Variants in EWSR1 observed in about 807,000 individuals in gnomAD.
EWSR1 encodes RNA-binding protein EWS.
A neutral mutation model predicts 92.1 loss-of-function variants in EWSR1; 14 were observed. The observed-to-expected ratio is 0.15, with a 90% confidence interval of 0.10 to 0.24. The LOEUF is 0.24. Among genes scored for constraint, EWSR1 ranks in the 10% least tolerant of loss-of-function variants. EWSR1 has a pLI of 1.00. For missense variants in EWSR1, 637 were observed against 870.9 expected, an observed-to-expected ratio of 0.73 and a Z score of 3.38; for synonymous variants, 303 against 292.9, an observed-to-expected ratio of 1.03 and a Z score of -0.35.
chr22:29,292,439 C>G (rs759517917), intron 10 of EWSR1, 49 bp from the exon 11 acceptor site: 2 of 1,260,478 alleles, frequency 1.6e-6, no homozygotes, highest in South Asian at 2.4e-5. Context: ...AGTTAAGAAA[C>G]CCCTATAGAT....
chr22:29,295,738 A>G (rs1440808866), intron 11 of EWSR1: 1 of 225,932 alleles, frequency 4.4e-6, no homozygotes, highest in African/African-American at 2.2e-5. Context: ...AGTCAACCAC[A>G]TCTGATATTC....
chr22:29,296,181 T>C, intron 11 of EWSR1, 58 bp from the exon 12 acceptor site: 1 of 1,555,220 alleles, frequency 6.4e-7, no homozygotes, highest in South Asian at 1.2e-5. Context: ...TTGCCTGGAC[T>C]TTTTTCTCCC....
chr22:29,274,501 G>T lies in EWSR1; in HGVS notation c.226+637G>T, dbSNP rs572951006. ...AGGTTTTTTTATTTAATATTACTTT[G>T]TTTCAAGCCTTAATAATAGTTATTT... On this transcript the variant is annotated intron_variant, in intron 4 of 16. Transcript: ENST00000397938. 9.9e-5 allele frequency: 52 copies of T among 525,910 alleles called. 1 individual carries two copies. The South Asian group carries it at 1.4e-3, about 14-fold the overall frequency. 32.6% of individuals were successfully genotyped at this position (525,910 alleles called of 1,614,324 possible). A position where few individuals can be genotyped will look rare whatever the true frequency, so the allele number is the denominator to read the frequency against.
At chr22:29,281,885 C>T (rs1453809826) in intron 5 of EWSR1, among the ~76,000 whole-genome samples, 1 of 152,172 alleles carries the variant, frequency 6.6e-6, no homozygotes, top group African/African-American at 2.4e-5. Context: ...CTCGCCTGGC[C>T]TTGACCTGGT....
chr22:29,300,001 G>T, intron 16 of EWSR1, 121 bp from the exon 17 acceptor site: 1 of 918,180 alleles, frequency 1.1e-6, no homozygotes, highest in Non-Finnish European at 1.4e-6. Flanking sequence ...GCTCTGGAAG[G>T]GCTTCCTCAC....
intron 8 of EWSR1, chr22:29,290,018 A>T (rs1268226432): frequency 4.3e-6 from 1 of 234,750 alleles, no homozygotes; most frequent in South Asian, 1.8e-4. Flanking sequence ...ATCACCTAGA[A>T]TTCCTAGTAT....
At chr22:29,273,893 G>A (rs371252895) in intron 4 of EWSR1, 29 bp downstream of exon 4, 77 of 1,612,700 alleles carry the variant, frequency 4.8e-5, no homozygotes, top group Non-Finnish European at 5.8e-5. Context: ...AGATTTTTGG[G>A]TCGTTCTGGC....
intron 3 of EWSR1, 95 bp from the exon 4 acceptor site, chr22:29,273,641 AGGAAT>A (rs1869049938): frequency 3.0e-6 from 4 of 1,338,332 alleles, no homozygotes; most frequent in Non-Finnish European, 4.1e-6. Flanking sequence ...TCTTCTAGAA[AGGAAT>A]GTTTTTGATT....
Position 29,282,567 on chromosome 22 carries a change from CT to C in EWSR1, c.581+15del. 1 of 1,495,916 alleles carries C rather than the reference CT, an allele frequency of 6.7e-7. No homozygotes were observed. The highest frequency in any genetic ancestry group is 2.7e-5 in the Admixed American group (1 of 37,270). The allele number at this position is 1,495,916 out of a possible 1,614,324, so 92.7% of individuals were successfully genotyped here. On this transcript the variant is annotated intron_variant, in intron 6 of 16. Transcript: ENST00000397938. ...CCTACCCTCCTACCAGGTCAGTCTA[CT>C]TTTTGTGGCAAAACAAAAACAGTGA...
At chr22:29,293,832 T>C (rs963029239) in intron 11 of EWSR1, among the ~76,000 whole-genome samples, 1 of 151,434 alleles carries the variant, frequency 6.6e-6, no homozygotes, top group African/African-American at 2.4e-5. Flanking sequence ...ACTCCCAAAG[T>C]TTTGTGATTG....
At position 29,299,862 on chromosome 22, in the gene EWSR1, G is replaced by A; in HGVS notation, c.1931+11G>A. The A allele has an allele frequency of 6.5e-7, 1 of 1,535,902 alleles. No individual in the cohort carries two copies. The highest frequency in any genetic ancestry group is 2.1e-5 in the Admixed American group (1 of 48,422). Reference sequence around the variant, plus strand: ...TGGAAAAATGGATAAGTAAGTGCTGGTGAAAAGCAGCTGTGGGCCGCCAGG... The same window carrying A: ...TGGAAAAATGGATAAGTAAGTGCTGATGAAAAGCAGCTGTGGGCCGCCAGG... On this transcript the variant is annotated intron_variant, in intron 16 of 16. Coordinates refer to ENST00000397938, the MANE Select transcript of EWSR1 (RefSeq NM_005243.4).
chr22:29,297,576 C>CCCAGCTACTTGGGAGGATTGCTTGA (rs2060965613), intron 12 of EWSR1, among the ~76,000 whole-genome samples: 1 of 152,098 alleles, frequency 6.6e-6, no homozygotes. Flanking sequence ...TGCCTGTAGT[C>CCCAGCTACTTGGGAGGATTGCTTGA]CCAGCTACTT....
chr22:29,292,022 G>T, intron 9 of EWSR1, 115 bp from the exon 10 acceptor site: 1 of 924,956 alleles, frequency 1.1e-6, no homozygotes, highest in South Asian at 1.3e-5. Flanking sequence ...GTCATTTTGA[G>T]TTTAATGAAT....
At chr22:29,283,682 C>T (rs1370065426) in intron 6 of EWSR1, among the ~76,000 whole-genome samples, 1 of 136,584 alleles carries the variant, frequency 7.3e-6, no homozygotes, top group Admixed American at 7.7e-5. Flanking sequence ...CTCACTACCA[C>T]ACCTGGCAAA....
chr22:29,292,498 A>G lies in EWSR1; in HGVS notation c.1056A>G (p.Val352=), dbSNP rs752989102. The G allele has an allele frequency of 1.7e-5, 28 of 1,611,142 alleles. No homozygotes were observed. Among genetic ancestry groups the G allele is most frequent in the Non-Finnish European group, 2.3e-5 (27 of 1,177,764 alleles). ...TGTTGTCTCTGAAAGGCCCACCTGTAGATCCAGATGAAGACTCTGACAACA... is the reference window on the plus strand; with the variant it reads ...TGTTGTCTCTGAAAGGCCCACCTGTGGATCCAGATGAAGACTCTGACAACA... ...EGPDLDLGPP[V]DPDEDSDNSA... Residue 352 remains valine (V), a synonymous_variant, in exon 11 of 17, where the codon GTA becomes GTG. Transcript: ENST00000397938.
chr22:29,269,630 T>G (rs1158283869), intron 1 of EWSR1: 1 of 152,194 alleles, frequency 6.6e-6, no homozygotes, highest in Non-Finnish European at 1.5e-5. Flanking sequence ...AAGGACAGTT[T>G]AAGAATTCTC....
At chr22:29,297,734 CTAATGCATCTGGGAG>C in intron 12 of EWSR1, 78 bp from the exon 13 acceptor site, 1 of 1,507,540 alleles carries the variant, frequency 6.6e-7, no homozygotes, top group Non-Finnish European at 9.1e-7. Flanking sequence ...ACAGGCAGAC[CTAATGCATCTGGGAG>C]TGGTCATTTG....
intron 8 of EWSR1, chr22:29,290,562 C>CA: frequency 6.5e-7 from 1 of 1,547,474 alleles, no homozygotes; most frequent in Non-Finnish European, 8.7e-7. Flanking sequence ...AAAATGTATT[C>CA]ATTGTATAAA....
At chr22:29,273,682 A>G (rs2058871625) in intron 3 of EWSR1, 59 bp from the exon 4 acceptor site, 3 of 1,572,782 alleles carry the variant, frequency 1.9e-6, no homozygotes, top group African/African-American at 1.4e-5. Flanking sequence ...AGTCCATTTT[A>G]TTGCTAAAAT....
Sources: gnomAD v4.1 joint callset for allele counts (sites outside exome capture counted in the v4.1 genomes callset) on GRCh38, gnomAD v4.1.1 for gene constraint, MANE v1.5 for transcripts, NCBI Gene and HGNC (gene_info 2026-07-23, HGNC 2026-07-21) for gene names.